The following ACSM2A variants were observed in gnomAD, a reference collection of about 807,000 sequenced individuals.
The protein encoded by ACSM2A is acyl-coenzyme A synthetase ACSM2A, mitochondrial.
ACSM2A carries 72 observed loss-of-function variants against 76.6 expected under a neutral mutation model. The observed-to-expected ratio is 0.94, with a 90% CI of 0.78 to 1.14. The LOEUF is 1.14. Ranked by LOEUF, ACSM2A falls within the 50% of genes most tolerant of loss-of-function variation. The pLI is 0.00. For synonymous variants in ACSM2A, 249 were observed against 255.9 expected (o/e 0.97, Z 0.26); for missense variants, 684 against 708.5 (o/e 0.97, Z 0.39).
intron 6 of ACSM2A, among the ~76,000 whole-genome samples, chr16:20,474,464 G>T (rs933461251): frequency 8.5e-5 from 13 of 152,144 alleles, no homozygotes; most frequent in African/African-American, 1.7e-4. Flanking sequence ...GTCCCCAACA[G>T]CAAGAAGGCT....
intron 6 of ACSM2A, among the ~76,000 whole-genome samples, chr16:20,473,774 A>T (rs988603016): frequency 6.6e-6 from 1 of 152,082 alleles, no homozygotes; most frequent in South Asian, 2.1e-4. Flanking sequence ...GGAGTGGGAC[A>T]TGCCTCATTA....
intron 10 of ACSM2A, 62 bp from the exon 11 acceptor site, chr16:20,480,511 G>A (rs2014019819): frequency 6.4e-6 from 10 of 1,555,218 alleles, no homozygotes; most frequent in Non-Finnish European, 8.7e-6. Flanking sequence ...GTTCATGGCA[G>A]CCCCAGGGCA....
Position 20,475,726 on chromosome 16 carries a change from G to A in ACSM2A, c.1051G>A (p.Ala351Thr). 1 of 1,614,052 alleles carries A rather than the reference G, an allele frequency of 6.2e-7. No individual in the cohort carries two copies. Among genetic ancestry groups the A allele is most frequent in the Non-Finnish European group, 8.5e-7 (1 of 1,179,938 alleles). ...TCCAGAAACTCTGGAGAACTGGAGG[G>A]CCCAGACAGGACTGGACATCCGAGA... Reference protein sequence around the residue: ...LLPETLENWRAQTGLDIRESY... With the variant: ...LLPETLENWRTQTGLDIRESY... The change falls in exon 8 of 14, where the codon GCC (alanine) becomes ACC (threonine). Residue 351 changes from alanine (A) to threonine (T), a missense_variant. Around this residue, in one of 3 missense-constraint regions of ACSM2A, gnomAD observed 519 missense variants for 549.5 expected, o/e 0.94. Coordinates refer to ENST00000573854, the MANE Select transcript of ACSM2A (RefSeq NM_001308172.2).
chr16:20,461,358 G>A (rs1341671273), intron 2 of ACSM2A, among the ~76,000 whole-genome samples: 6 of 152,000 alleles, frequency 3.9e-5, no homozygotes, highest in Non-Finnish European at 8.8e-5. Flanking sequence ...TAGATTTCTG[G>A]ATTTTTTAAA....
intron 13 of ACSM2A, among the ~76,000 whole-genome samples, chr16:20,484,068 C>G (rs1423616687): frequency 6.7e-6 from 1 of 149,528 alleles, no homozygotes; most frequent in African/African-American, 2.5e-5. Context: ...CAACAAAATT[C>G]TCTGGGTTGA....
At chr16:20,483,641 G>T (rs1277368048) in intron 13 of ACSM2A, among the ~76,000 whole-genome samples, 1 of 122,842 alleles carries the variant, frequency 8.1e-6, no homozygotes, top group Non-Finnish European at 1.7e-5. Context: ...AGACAATCTA[G>T]CTTGATGCCT....
chr16:20,457,874 C>G (rs1044184814), intron 1 of ACSM2A, among the ~76,000 whole-genome samples: 15 of 151,970 alleles, frequency 9.9e-5, no homozygotes, highest in Non-Finnish European at 1.5e-5. Context: ...GGAAGTCATA[C>G]AGTAGCTGTT....
At chr16:20,470,267 C>G (rs2141721672) in intron 4 of ACSM2A, among the ~76,000 whole-genome samples, 1 of 152,164 alleles carries the variant, frequency 6.6e-6, no homozygotes, top group Admixed American at 6.5e-5. Context: ...GAGGGAAAAC[C>G]CAAGAGATGG....
At chr16:20,480,283 A>G (rs1249980093) in intron 10 of ACSM2A, among the ~76,000 whole-genome samples, 2 of 152,218 alleles carry the variant, frequency 1.3e-5, no homozygotes, top group South Asian at 2.1e-4. Context: ...GATGGAATCA[A>G]TTGGGGAAAA....
intron 10 of ACSM2A, among the ~76,000 whole-genome samples, chr16:20,479,513 A>G (rs1596674511): frequency 6.6e-6 from 1 of 152,292 alleles, no homozygotes; most frequent in African/African-American, 2.4e-5. Context: ...CCTATCTGTC[A>G]TGTCTCAGTT....
rs1567356980 is a variant in ACSM2A at position 20,458,921 on chromosome 16, TATATATATATAC to T, written c.-8-1174_-8-1163del. ...ATATATATGCATATATATATATATA[TATATATATATAC>T]ATATATATATATAATGAAATACTAC... On this transcript the variant is annotated intron_variant, in intron 1 of 13. Coordinates refer to ENST00000573854, the MANE Select transcript of ACSM2A (RefSeq NM_001308172.2). Among the ~76,000 whole-genome samples the T allele has an allele frequency of 1.2e-3, 86 of 72,000 alleles. 2 individuals carry two copies. In the East Asian group the frequency reaches 0.012, roughly 10 times the overall value. 47.2% of individuals were successfully genotyped at this position (72,000 alleles called of 152,430 possible).
At chr16:20,458,929 T>C (rs1465679456) in intron 1 of ACSM2A, among the ~76,000 whole-genome samples, 2 of 58,610 alleles carry the variant, frequency 3.4e-5, no homozygotes, top group African/African-American at 1.1e-4. Flanking sequence ...TATATATATA[T>C]ATACATATAT....
At chr16:20,458,927 T>TATATATGC in intron 1 of ACSM2A, among the ~76,000 whole-genome samples, 1 of 63,358 alleles carries the variant, frequency 1.6e-5, no homozygotes, top group Non-Finnish European at 2.9e-5. Flanking sequence ...TATATATATA[T>TATATATGC]ATATACATAT....
intron 8 of ACSM2A, chr16:20,476,468 G>A (rs991641549): frequency 1.0e-6 from 1 of 985,340 alleles, no homozygotes; most frequent in East Asian, 1.1e-4. Flanking sequence ...AACTTTTGCA[G>A]AAGGTTGACG....
intron 6 of ACSM2A, chr16:20,474,274 T>G (rs1383691323): frequency 8.6e-6 from 2 of 233,114 alleles, no homozygotes; most frequent in Non-Finnish European, 1.7e-5. Flanking sequence ...AGTGTAACAG[T>G]AGTAAGCGGT....
intron 6 of ACSM2A, among the ~76,000 whole-genome samples, chr16:20,474,426 GCCCCGA>G (rs2013603751): frequency 6.6e-6 from 1 of 152,070 alleles, no homozygotes; most frequent in Admixed American, 6.6e-5. Flanking sequence ...ACAATGTGAT[GCCCCGA>G]CCCTCCTTGG....
At chr16:20,461,298 A>C (rs1030547021) in intron 2 of ACSM2A, among the ~76,000 whole-genome samples, 19 of 148,980 alleles carry the variant, frequency 1.3e-4, no homozygotes, top group African/African-American at 4.9e-4. Flanking sequence ...GGTACTCTTA[A>C]AAAAAATAAG....
rs1459883924 is a variant in ACSM2A, at chr16:20,454,647, A to G, written c.-9+2966A>G. Among the ~76,000 whole-genome samples, 4 of 152,120 alleles carry G rather than the reference A, an allele frequency of 2.6e-5. No individual in the cohort carries two copies. The South Asian group carries it at 6.2e-4, about 24-fold the overall frequency. On this transcript the variant is annotated intron_variant, in intron 1 of 13. Transcript: ENST00000573854. ...TCAGGGGAACATCCCATGGGAAAAA[A>G]GAATCTGAACAATAGCCTTGAGCCC...
intron 8 of ACSM2A, 180 bp from the exon 9 acceptor site, chr16:20,477,189 A>C: frequency 2.6e-6 from 3 of 1,138,076 alleles, no homozygotes; most frequent in Non-Finnish European, 3.5e-6. Flanking sequence ...AATTTAGCGA[A>C]GCCCCTAGGA....
Sources: allele counts gnomAD v4.1 joint callset (sites outside exome capture counted in the v4.1 genomes callset), GRCh38; gene constraint gnomAD v4.1.1; regional missense constraint gnomAD v4.1.1; transcripts MANE v1.5; gene names NCBI Gene and HGNC (gene_info 2026-07-23, HGNC 2026-07-21).